Variants in DYNC1H1 observed in about 807,000 individuals in gnomAD.
The protein encoded by DYNC1H1 is dynein cytoplasmic 1 heavy chain 1.
A neutral mutation model predicts 527.1 loss-of-function variants in DYNC1H1; 51 were observed. That is an observed-to-expected ratio of 0.10 (90% CI 0.08 to 0.12). The LOEUF is 0.12. DYNC1H1 is among the 10% of genes least tolerant of loss of function. The pLI is 1.00. For missense variants in DYNC1H1, 2,771 were observed against 5,971.8 expected (o/e 0.46, Z 17.66); for synonymous variants, 2,189 against 2,278.8 (o/e 0.96, Z 1.12).
At chr14:102,032,560 C>T (rs17541394) in intron 52 of DYNC1H1, 93 bp downstream of exon 52, 72 of 1,529,130 alleles carry the variant, frequency 4.7e-5, no homozygotes, top group Middle Eastern at 1.7e-4. Context: ...CCAGAACTTT[C>T]GGCTGTTCAG....
intron 29 of DYNC1H1, among the ~76,000 whole-genome samples, chr14:102,008,740 A>T (rs2048225538): frequency 6.6e-6 from 1 of 152,170 alleles, no homozygotes; most frequent in Non-Finnish European, 1.5e-5. Context: ...GTGAACTGAG[A>T]TCATGCCACT....
At chr14:101,966,719 C>T (rs1338438385) in intron 1 of DYNC1H1, among the ~76,000 whole-genome samples, 1 of 151,778 alleles carries the variant, frequency 6.6e-6, no homozygotes, top group Non-Finnish European at 1.5e-5. Context: ...TACCTTGTGT[C>T]ACTCTTTTTA....
rs17512047 is a variant in DYNC1H1 at position 101,984,265 on chromosome 14, T to C, written c.1461+656T>C. Among the ~76,000 whole-genome samples the C allele has an allele frequency of 5.5e-3, 838 of 151,810 alleles. 17 individuals are homozygous for C. Among genetic ancestry groups the C allele is most frequent in the East Asian group, 0.037 (189 of 5,144 alleles). ...TCAGCCTCCCAAAGTGCTGGGATTA[T>C]AGGCATGAGCCACCGCGCCCTGCCC... On this transcript the variant is annotated intron_variant, in intron 7 of 77. Coordinates refer to ENST00000360184, the MANE Select transcript of DYNC1H1 (RefSeq NM_001376.5).
Position 101,994,657 on chromosome 14 carries a change from T to C in DYNC1H1, c.3157-16T>C. The C allele has an allele frequency of 6.2e-7, 1 of 1,613,940 alleles. No homozygotes were observed. On this transcript the variant is annotated splice_polypyrimidine_tract_variant and intron_variant, in intron 12 of 77. Transcript: ENST00000360184. ...GAAAACTCAAACTATTATTTAACTGTGTTCTTCATTTGCAGGTTTGGCTTC... is the reference window on the plus strand; with the variant it reads ...GAAAACTCAAACTATTATTTAACTGCGTTCTTCATTTGCAGGTTTGGCTTC...
chr14:102,003,726 G>GAT (rs2048159222), intron 23 of DYNC1H1, among the ~76,000 whole-genome samples: 1 of 151,318 alleles, frequency 6.6e-6, no homozygotes, highest in Admixed American at 6.6e-5. Context: ...GGTCAGTTTA[G>GAT]GACCAGCCTG....
intron 52 of DYNC1H1, chr14:102,032,674 A>G: frequency 3.0e-6 from 2 of 662,630 alleles, no homozygotes; most frequent in Non-Finnish European, 2.6e-6. Context: ...CTACATGGCG[A>G]CACCCTGTCT....
At chr14:102,037,996 C>G (rs17541491) in intron 57 of DYNC1H1, 20,239 of 306,452 alleles carry the variant, frequency 0.066, 831 homozygotes, top group South Asian at 0.11. Context: ...GCTAGTGTGA[C>G]TAGGAACTGA....
chr14:101,980,971 C>G (rs1165368178), intron 5 of DYNC1H1, among the ~76,000 whole-genome samples: 1 of 152,214 alleles, frequency 6.6e-6, no homozygotes, highest in Non-Finnish European at 1.5e-5. Context: ...GTACCACTTT[C>G]TCTTCCTCTT....
At chr14:102,046,761 G>C (rs563598757) in intron 72 of DYNC1H1, among the ~76,000 whole-genome samples, 176 of 151,798 alleles carry the variant, frequency 1.2e-3, no homozygotes, top group Admixed American at 1.6e-3. Context: ...GTCCTGAAGA[G>C]CCTTCCTTGA....
At position 102,033,487 on chromosome 14, in the gene DYNC1H1, A is replaced by G. The variant is rs2048533401; in HGVS notation, c.10413+3A>G. Reference sequence around the variant, plus strand: ...ACCTGGCAGCTGTCGAGGCAAAAGTAAGATTATCATCATTGATCCTCAGCC... The same window carrying G: ...ACCTGGCAGCTGTCGAGGCAAAAGTGAGATTATCATCATTGATCCTCAGCC... On this transcript the variant is annotated splice_donor_region_variant and intron_variant, in intron 54 of 77. Transcript: ENST00000360184. This position sits in a 1 kb window ranked among gnomAD's most constrained non-coding sequence, Gnocchi z 5.6. The G allele has an allele frequency of 6.2e-7, 1 of 1,614,012 alleles. No individual in the cohort carries two copies. Among genetic ancestry groups the G allele is most frequent in the Non-Finnish European group, 8.5e-7 (1 of 1,180,004 alleles).
chr14:101,989,392 C>T (rs1567000454), intron 10 of DYNC1H1, among the ~76,000 whole-genome samples: 1 of 152,300 alleles, frequency 6.6e-6, no homozygotes, highest in East Asian at 1.9e-4. Flanking sequence ...GGCCACCACA[C>T]GGAGTAGTAG....
intron 51 of DYNC1H1, among the ~76,000 whole-genome samples, chr14:102,030,866 G>A (rs181544005): frequency 2.5e-4 from 38 of 152,264 alleles, no homozygotes; most frequent in Middle Eastern, 3.4e-3. Context: ...TTGGGAGGCC[G>A]AGGCAGGAGG....
At position 102,015,336 on chromosome 14, in the gene DYNC1H1, C is replaced by T. The variant is rs760664042; in HGVS notation, c.7242+4C>T. The T allele has an allele frequency of 4.4e-6, 7 of 1,607,954 alleles. No homozygotes were observed. The highest frequency in any genetic ancestry group is 2.2e-5 in the East Asian group (1 of 44,706). On this transcript the variant is annotated splice_donor_region_variant and intron_variant, in intron 35 of 77. Transcript: ENST00000360184. This position sits in a 1 kb window ranked among gnomAD's most constrained non-coding sequence, Gnocchi z 6.9. ...GGCCGCTTCCCCCATGCTGCAGGTA[C>T]GCCCAGGTGGGACCCCACATATCAT...
chr14:102,041,882 C>T lies in DYNC1H1; in HGVS notation c.12103-131C>T. ...CTCGCTGCAGATTCTCAACTCCTGG[C>T]TGCATGGTGCCCACACCTCTGGGCC... On this transcript the variant is annotated intron_variant, in intron 65 of 77. Transcript: ENST00000360184. This position sits in a 1 kb window ranked among gnomAD's most constrained non-coding sequence, Gnocchi z 4.5. The T allele has an allele frequency of 6.7e-7, 1 of 1,495,368 alleles. No homozygotes were observed. Among genetic ancestry groups the T allele is most frequent in the Non-Finnish European group, 9.2e-7 (1 of 1,090,168 alleles). The allele number at this position is 1,495,368 out of a possible 1,614,324, so 92.6% of individuals were successfully genotyped here.
In DYNC1H1 at chr14:102,041,993, T is replaced by G; in HGVS notation, c.12103-20T>G. The G allele has an allele frequency of 6.2e-7, 1 of 1,612,842 alleles. No homozygotes were observed. Among genetic ancestry groups the G allele is most frequent in the Non-Finnish European group, 8.5e-7 (1 of 1,178,840 alleles). On this transcript the variant is annotated intron_variant, in intron 65 of 77. Transcript: ENST00000360184. The surrounding 1 kb of genome is among the most constrained non-coding windows in gnomAD (Gnocchi z 4.5). ...ACTATTTGCTGGCACTGTAATAACT[T>G]CTGCCTTCTTTGTTTGCAGGTGAAG...
rs1259160193 is a variant in DYNC1H1 at position 102,033,880 on chromosome 14, A to T, written c.10414-96A>T. The T allele has an allele frequency of 2.8e-6, 4 of 1,420,298 alleles. No individual in the cohort carries two copies. In the African/African-American group the frequency reaches 4.2e-5, roughly 15 times the overall value. 88.0% of individuals were successfully genotyped at this position (1,420,298 alleles called of 1,614,324 possible). The stretch of plus-strand genomic sequence containing the variant: ...CTTGGGCACGTTTCTAACCCACCCA[A>T]AACCCTGCACATAATGTGGATGAAC... On this transcript the variant is annotated intron_variant, in intron 54 of 77. Transcript: ENST00000360184. The surrounding 1 kb of genome is among the most constrained non-coding windows in gnomAD (Gnocchi z 5.6).
Position 102,039,485 on chromosome 14 carries a change from A to T in DYNC1H1, c.11534A>T (p.Asn3845Ile). 6.2e-7 allele frequency: 1 copy of T among 1,614,192 alleles called. No homozygotes were observed. Among genetic ancestry groups the T allele is most frequent in the South Asian group, 1.1e-5 (1 of 91,088 alleles). Residue 3845 changes from asparagine (N) to isoleucine (I), a missense_variant, in exon 61 of 78, where the codon AAC (asparagine) becomes ATC (isoleucine). By Grantham distance (149) the Asn-to-Ile change is moderately radical. Transcript: ENST00000360184. This position sits in a 1 kb window ranked among gnomAD's most constrained non-coding sequence, Gnocchi z 7.0. Reference sequence around the variant, plus strand: ...CACAACGTCCTATACGAGAACCCGAACCTGAAGGGTGTCACCGACCACACA... The same window carrying T: ...CACAACGTCCTATACGAGAACCCGATCCTGAAGGGTGTCACCGACCACACA... ...IYHNVLYENP[N>I]LKGVTDHTQR...
In DYNC1H1 at chr14:102,017,277, A is replaced by G. The variant is rs1308813075; in HGVS notation, c.8038A>G (p.Ile2680Val). 1.2e-6 allele frequency: 2 copies of G among 1,614,166 alleles called. No homozygotes were observed. Among genetic ancestry groups the G allele is most frequent in the Non-Finnish European group, 1.7e-6 (2 of 1,180,066 alleles). Residue 2680 changes from isoleucine to valine, a missense_variant, in exon 39 of 78, where the codon ATA becomes GTA. Physicochemically the swap from Ile to Val is conservative, Grantham distance 29 (BLOSUM62 3). Around this residue, in one of 32 missense-constraint regions of DYNC1H1, gnomAD observed 163 missense variants for 346.9 expected, o/e 0.47. Coordinates refer to ENST00000360184, the MANE Select transcript of DYNC1H1 (RefSeq NM_001376.5). This position sits in a 1 kb window ranked among gnomAD's most constrained non-coding sequence, Gnocchi z 4.6. The stretch of plus-strand genomic sequence containing the variant: ...GGATAAATATGGGACCCAGAGGGTC[A>G]TATCCTTCATCAGACAGGTTTGTTT... Reference protein sequence around the residue: ...DMDKYGTQRVISFIRQMVEHG... With the variant: ...DMDKYGTQRVVSFIRQMVEHG...
rs1265293320 is a variant in DYNC1H1 at position 101,979,271 on chromosome 14, A to G, written c.345-48A>G. ...GTATGATTTTTAAATTAATAAGCCT[A>G]ATTAGGAGTGTAACTTTTCTAATTT... is the stretch of plus-strand genomic sequence containing the variant. On this transcript the variant is annotated intron_variant, in intron 2 of 77. Coordinates refer to ENST00000360184, the MANE Select transcript of DYNC1H1 (RefSeq NM_001376.5). The surrounding 1 kb of genome is among the most constrained non-coding windows in gnomAD (Gnocchi z 4.6). The G allele has an allele frequency of 1.9e-6, 3 of 1,573,424 alleles. No homozygotes were observed. The highest frequency in any genetic ancestry group is 2.6e-6 in the Non-Finnish European group (3 of 1,143,662).
Sources: allele counts gnomAD v4.1 joint callset (sites outside exome capture counted in the v4.1 genomes callset), GRCh38; gene constraint gnomAD v4.1.1; regional missense constraint gnomAD v4.1.1; non-coding constraint Gnocchi (gnomAD v3.1); transcripts MANE v1.5; gene names NCBI Gene and HGNC (gene_info 2026-07-23, HGNC 2026-07-21).